Variants in RAI14 observed in about 807,000 individuals in gnomAD.
The protein encoded by RAI14 is ankycorbin.
A neutral mutation model predicts 115.4 loss-of-function variants in RAI14; 45 were observed. The ratio of observed to expected loss-of-function variants is 0.39; its 90% CI spans 0.31 to 0.50. The LOEUF is 0.50. RAI14 is among the 20% of genes least tolerant of loss of function. The pLI is 0.85. For synonymous variants in RAI14, 371 were observed against 415.4 expected, an observed-to-expected ratio of 0.89 and a Z score of 1.30; for missense variants, 939 against 1,131.2, an observed-to-expected ratio of 0.83 and a Z score of 2.44.
chr5:34,729,349 T>TAC (rs1166559758), intron 2 of RAI14, among the ~76,000 whole-genome samples: 2 of 151,738 alleles, frequency 1.3e-5, no homozygotes, highest in South Asian at 2.1e-4. Context: ...TGCCTGTCTA[T>TAC]ACACACACAC....
rs1757455065 is a variant in RAI14, at chr5:34,826,420, C to T, written c.2740C>T (p.Gln914Ter). Residue 914 changes from glutamine (Q) to a stop codon, truncating the protein, a stop_gained, in exon 16 of 18, where the codon CAG (glutamine) becomes TAG (stop). Coordinates refer to ENST00000265109, the MANE Select transcript of RAI14 (RefSeq NM_015577.3). LOFTEE classifies it high-confidence loss of function. ...LSYSTSSSKR[Q>*]SQQLEALQQQ... ...CTACTCAACAAGCTCATCCAAAAGG[C>T]AGAGTCAGCAGCTGGAGGCGCTGCA... is the stretch of plus-strand genomic sequence containing the variant. The T allele has an allele frequency of 6.2e-7, 1 of 1,614,104 alleles. No homozygotes were observed.
At chr5:34,828,738 A>G (rs1561098564) in intron 16 of RAI14, among the ~76,000 whole-genome samples, 1 of 152,130 alleles carries the variant, frequency 6.6e-6, no homozygotes. Context: ...ACTGAGAGGA[A>G]CTGGAGTAAT....
At chr5:34,742,665 G>GT (rs1409846242) in intron 2 of RAI14, among the ~76,000 whole-genome samples, 1 of 151,798 alleles carries the variant, frequency 6.6e-6, no homozygotes, top group Admixed American at 6.6e-5. Context: ...TTTTTGTTTT[G>GT]TTTTGTTTTG....
intron 1 of RAI14, among the ~76,000 whole-genome samples, chr5:34,677,133 G>A (rs1744034956): frequency 1.2e-5 from 1 of 83,306 alleles, no homozygotes; most frequent in South Asian, 3.4e-4. Context: ...TATATTCCTT[G>A]TCTCTGGATG....
rs572071122 is a variant in RAI14, at chr5:34,763,745, A to G, written c.167+6147A>G. On this transcript the variant is annotated intron_variant, in intron 3 of 17. Transcript: ENST00000265109. ...AGAAATGCTTCCTGCCTGAAGTGTG[A>G]TATGAGGTCGGCCTTGTAGAATGGA... 1.6e-4 allele frequency among the ~76,000 whole-genome samples: 25 copies of G among 152,334 alleles called. No homozygotes were observed. The South Asian group carries it at 4.8e-3, about 29-fold the overall frequency.
chr5:34,823,337 G>C lies in RAI14; in HGVS notation c.1495G>C (p.Val499Leu), dbSNP rs10472941. 4.8e-4 allele frequency: 775 copies of C among 1,613,990 alleles called. 3 individuals carry two copies. The African/African-American group carries it at 9.4e-3, about 20-fold the overall frequency. The change falls in exon 15 of 18, where the codon GTC (valine) becomes CTC (leucine). Residue 499 changes from valine to leucine, a missense_variant. By Grantham distance (32) the Val-to-Leu change is conservative. Coordinates refer to ENST00000265109, the MANE Select transcript of RAI14 (RefSeq NM_015577.3). The surrounding 1 kb of genome is among the most constrained non-coding windows in gnomAD (Gnocchi z 4.5). ...QSKYEEAMKE[V>L]LSVQKQMKLG... The stretch of plus-strand genomic sequence containing the variant: ...CAAATACGAGGAGGCTATGAAAGAA[G>C]TCCTTAGTGTGCAGAAGCAGATGAA...
At chr5:34,811,581 T>TAA (rs1755584695) in intron 8 of RAI14, among the ~76,000 whole-genome samples, 186 bp from the exon 9 acceptor site, 4 of 112,488 alleles carry the variant, frequency 3.6e-5, no homozygotes, top group Non-Finnish European at 8.3e-5. Flanking sequence ...AATCTGAAGT[T>TAA]TAAAAAAAAA....
chr5:34,719,354 C>T (rs1434355534), intron 2 of RAI14, among the ~76,000 whole-genome samples: 2 of 152,194 alleles, frequency 1.3e-5, no homozygotes. Context: ...ATGGTCTAGC[C>T]TTGGAAATCA....
chr5:34,769,278 T>G (rs925346805), intron 3 of RAI14, among the ~76,000 whole-genome samples: 1 of 152,166 alleles, frequency 6.6e-6, no homozygotes, highest in East Asian at 1.9e-4. Flanking sequence ...CAGCTGCTTT[T>G]GAAATCACTG....
chr5:34,727,284 G>A (rs552985373), intron 2 of RAI14, among the ~76,000 whole-genome samples: 1 of 152,274 alleles, frequency 6.6e-6, no homozygotes, highest in East Asian at 1.9e-4. Flanking sequence ...ATGATTTAGG[G>A]TATCTGGTGG....
At chr5:34,815,713 G>A (rs971509047) in intron 12 of RAI14, among the ~76,000 whole-genome samples, 1 of 152,176 alleles carries the variant, frequency 6.6e-6, no homozygotes, top group Non-Finnish European at 1.5e-5. Context: ...AAAGGAATAA[G>A]TTCAAGAGAT....
At chr5:34,712,431 T>C (rs6861874) in intron 2 of RAI14, among the ~76,000 whole-genome samples, 46,266 of 151,938 alleles carry the variant, frequency 0.3, 8,610 homozygotes, top group African/African-American at 0.54. Flanking sequence ...CTGGTGACAA[T>C]GAAAGGGAGC....
chr5:34,753,996 G>T lies in RAI14; in HGVS notation c.37-3472G>T, dbSNP rs12516593. Among the ~76,000 whole-genome samples, 292 of 151,544 alleles carry T rather than the reference G, an allele frequency of 1.9e-3. 1 individual carries two copies. The highest frequency in any genetic ancestry group is 6.5e-3 in the Admixed American group (99 of 15,214). The stretch of plus-strand genomic sequence containing the variant: ...CCCAGGAGGCTGGGGCAGGAGAGTC[G>T]CTTGAACCCAGGAGGCAGAGGTTGC... On this transcript the variant is annotated intron_variant, in intron 2 of 17. Transcript: ENST00000265109.
intron 5 of RAI14, among the ~76,000 whole-genome samples, chr5:34,805,637 C>T (rs576704910): frequency 4.6e-5 from 7 of 152,180 alleles, no homozygotes; most frequent in South Asian, 4.1e-4. Context: ...GCCAGGAGTT[C>T]GTGACCAGCC....
At chr5:34,826,701 G>T (rs1757488540) in intron 16 of RAI14, among the ~76,000 whole-genome samples, 1 of 152,186 alleles carries the variant, frequency 6.6e-6, no homozygotes, top group Non-Finnish European at 1.5e-5. Flanking sequence ...ATATTCACTG[G>T]GAAGGAAAGA....
intron 1 of RAI14, 104 bp from the exon 2 acceptor site, chr5:34,686,768 A>T: frequency 3.5e-6 from 2 of 564,936 alleles, no homozygotes; most frequent in Non-Finnish European, 3.0e-6. Flanking sequence ...CCACCTTCCC[A>T]ACGCAACCCT....
Position 34,780,557 on chromosome 5 carries a change from G to A in RAI14, c.168-15382G>A, listed in dbSNP as rs567759198. The stretch of plus-strand genomic sequence containing the variant: ...AACAAACAGCCCCATCAAAAAGTGG[G>A]CAAAGGACATGAACAGACACTTCTC... On this transcript the variant is annotated intron_variant, in intron 3 of 17. Transcript: ENST00000265109. Among the ~76,000 whole-genome samples the A allele has an allele frequency of 3.1e-4, 47 of 152,264 alleles. 1 individual carries two copies. The South Asian group carries it at 9.5e-3, about 31-fold the overall frequency.
At chr5:34,660,552 C>T (rs1040786946) in intron 1 of RAI14, among the ~76,000 whole-genome samples, 4 of 152,174 alleles carry the variant, frequency 2.6e-5, no homozygotes, top group Admixed American at 6.5e-5. Flanking sequence ...ACTCACTGGC[C>T]GTGTGACCTT....
rs560940180 is a variant in RAI14, at chr5:34,780,272, A to G, written c.168-15667A>G. Among the ~76,000 whole-genome samples the G allele has an allele frequency of 2.0e-3, 302 of 152,332 alleles. 7 individuals carry two copies. Among genetic ancestry groups the G allele is most frequent in the Admixed American group, 0.018 (279 of 15,300 alleles). Reference sequence around the variant, plus strand: ...TTAGACCTAAAACCATAAAAACCCTAGAAGAAAACCTAGGCAATACCATTC... The same window carrying G: ...TTAGACCTAAAACCATAAAAACCCTGGAAGAAAACCTAGGCAATACCATTC... On this transcript the variant is annotated intron_variant, in intron 3 of 17. Coordinates refer to ENST00000265109, the MANE Select transcript of RAI14 (RefSeq NM_015577.3).
Sources: allele counts gnomAD v4.1 joint callset (sites outside exome capture counted in the v4.1 genomes callset), GRCh38; gene constraint gnomAD v4.1.1; non-coding constraint Gnocchi (gnomAD v3.1); transcripts MANE v1.5; gene names NCBI Gene and HGNC (gene_info 2026-07-23, HGNC 2026-07-21).